Variants in CALN1 observed in about 807,000 individuals in gnomAD.
CALN1 encodes calneuron 1, also known as calcium-binding protein 8.
A neutral mutation model predicts 30.6 loss-of-function variants in CALN1; 17 were observed. That is an observed-to-expected ratio of 0.56 (90% CI 0.38 to 0.83). The LOEUF is 0.83. Among genes scored for constraint, CALN1 ranks in the 40% least tolerant of loss-of-function variants. The pLI, the probability that CALN1 is intolerant of heterozygous loss-of-function variation, is 0.00. For missense variants in CALN1, 291 were observed against 354.9 expected (o/e 0.82, Z 1.45); for synonymous variants, 156 against 131.4 (o/e 1.19, Z -1.28).
chr7:72,455,336 T>A, the CALN1 span, among the ~76,000 whole-genome samples: 2 of 136,712 alleles, frequency 1.5e-5, no homozygotes, highest in African/African-American at 5.2e-5. Flanking sequence ...TGTGTGTGTG[T>A]GTGTGTGTGT....
chr7:71,956,586 C>T (rs1796974157), intron 5 of CALN1, among the ~76,000 whole-genome samples: 1 of 151,884 alleles, frequency 6.6e-6, no homozygotes, highest in African/African-American at 2.4e-5. Flanking sequence ...CTCAGCCTCC[C>T]AAAGTGCTGG....
At chr7:72,168,543 T>A (rs907230626) in intron 3 of CALN1, among the ~76,000 whole-genome samples, 1 of 152,192 alleles carries the variant, frequency 6.6e-6, no homozygotes, top group East Asian at 1.9e-4. Context: ...TTATAATGTT[T>A]GTGTGAAGCT....
chr7:71,797,423 C>A (rs1442143312), intron 6 of CALN1, among the ~76,000 whole-genome samples: 2 of 152,094 alleles, frequency 1.3e-5, no homozygotes, highest in Non-Finnish European at 2.9e-5. Context: ...TAAAATGGAA[C>A]TAATTAAGAG....
chr7:72,350,359 AG>A (rs1802858600), intron 2 of CALN1, among the ~76,000 whole-genome samples: 1 of 152,214 alleles, frequency 6.6e-6, no homozygotes, highest in Non-Finnish European at 1.5e-5. Flanking sequence ...TATTCACAAT[AG>A]TAAAGATATG....
intron 3 of CALN1, among the ~76,000 whole-genome samples, chr7:72,113,531 T>C (rs1807723250): frequency 6.6e-6 from 1 of 152,238 alleles, no homozygotes; most frequent in Admixed American, 6.5e-5. Flanking sequence ...AATATTGCAA[T>C]GGGCCTTCAC....
intron 5 of CALN1, among the ~76,000 whole-genome samples, chr7:71,932,028 G>A (rs539171471): frequency 9.2e-4 from 140 of 152,262 alleles, no homozygotes; most frequent in African/African-American, 3.2e-3. Flanking sequence ...TAAGGTGGTA[G>A]CTTCTGGATT....
intron 1 of CALN1, among the ~76,000 whole-genome samples, chr7:72,443,206 A>G (rs1562970758): frequency 6.6e-6 from 1 of 152,028 alleles, no homozygotes; most frequent in African/African-American, 2.4e-5. Context: ...ACCTTTCGTG[A>G]CTTATTTTTT....
At chr7:71,977,323 A>AGGG (rs1331052182) in intron 5 of CALN1, among the ~76,000 whole-genome samples, 4 of 152,102 alleles carry the variant, frequency 2.6e-5, no homozygotes, top group Non-Finnish European at 5.9e-5. Flanking sequence ...TAGTCCCAGG[A>AGGG]ACTTGGGAGG....
chr7:72,200,121 C>G (rs7790149), intron 3 of CALN1, among the ~76,000 whole-genome samples: 2 of 152,104 alleles, frequency 1.3e-5, no homozygotes, highest in African/African-American at 2.4e-5. Flanking sequence ...AATGTTGATG[C>G]CCCGACAAAT....
intron 3 of CALN1, among the ~76,000 whole-genome samples, chr7:72,218,160 C>G (rs767466243): frequency 7.9e-5 from 12 of 151,294 alleles, no homozygotes; most frequent in Non-Finnish European, 1.6e-4. Flanking sequence ...TTTTAAATAA[C>G]TGTGCAGGCC....
At chr7:72,352,659 A>G (rs1014721423) in intron 2 of CALN1, among the ~76,000 whole-genome samples, 3 of 152,172 alleles carry the variant, frequency 2.0e-5, no homozygotes, top group African/African-American at 7.2e-5. Context: ...TACAAGGAAA[A>G]TTATAGCTTA....
intron 5 of CALN1, among the ~76,000 whole-genome samples, chr7:71,953,269 ACTTTAT>A (rs1301347013): frequency 6.6e-6 from 1 of 151,990 alleles, no homozygotes; most frequent in Non-Finnish European, 1.5e-5. Context: ...AGTCCTCCAC[ACTTTAT>A]CTTAATCTGT....
At chr7:72,412,388 A>T (rs892517691), upstream of CALN1, 1 of 151,988 alleles carries the variant, frequency 6.6e-6, no homozygotes, top group African/African-American at 2.4e-5. Flanking sequence ...AGCCCTGCCC[A>T]TGTCCTGCTG....
intron 6 of CALN1, among the ~76,000 whole-genome samples, chr7:71,789,217 GA>G (rs1793170999): frequency 1.3e-5 from 2 of 151,956 alleles, no homozygotes; most frequent in Non-Finnish European, 1.5e-5. Flanking sequence ...AGGAGTTTGA[GA>G]CCAGCCTGGC....
chr7:72,235,217 T>A (rs1473519816), intron 3 of CALN1, among the ~76,000 whole-genome samples: 1 of 151,932 alleles, frequency 6.6e-6, no homozygotes, highest in Non-Finnish European at 1.5e-5. Flanking sequence ...GAGGCCACAG[T>A]GAGCTATGAT....
chr7:72,310,977 A>G (rs1429587093), intron 2 of CALN1, among the ~76,000 whole-genome samples: 1 of 151,876 alleles, frequency 6.6e-6, no homozygotes, highest in African/African-American at 2.4e-5. Context: ...TCCTTAAACA[A>G]TATGACATTG....
intron 3 of CALN1, among the ~76,000 whole-genome samples, chr7:72,110,835 T>C (rs527563133): frequency 1.3e-5 from 2 of 152,278 alleles, no homozygotes; most frequent in Admixed American, 6.5e-5. Context: ...TGCCTCATTT[T>C]ATTTTTAATA....
At chr7:72,210,565 G>A (rs1277083322) in intron 3 of CALN1, among the ~76,000 whole-genome samples, 3 of 152,020 alleles carry the variant, frequency 2.0e-5, no homozygotes, top group African/African-American at 2.4e-5. Flanking sequence ...GGGGGAAGGC[G>A]AAGGGGGAGC....
chr7:71,937,880 G>A (rs1456235925), intron 5 of CALN1, among the ~76,000 whole-genome samples: 1 of 152,220 alleles, frequency 6.6e-6, no homozygotes, highest in African/African-American at 2.4e-5. Context: ...CAGCACCCAA[G>A]TGAAATGCAG....
Sources: allele counts gnomAD v4.1 joint callset (sites outside exome capture counted in the v4.1 genomes callset), GRCh38; gene constraint gnomAD v4.1.1; transcripts MANE v1.5; gene names NCBI Gene and HGNC (gene_info 2026-07-23, HGNC 2026-07-21).